The following CNTNAP5 variants were observed in gnomAD, a reference collection of about 807,000 sequenced individuals.
The protein encoded by CNTNAP5 is contactin associated protein family member 5, also known as contactin-associated protein-like 5.
CNTNAP5 carries 72 observed loss-of-function variants against 150.2 expected under a neutral mutation model. That is an observed-to-expected ratio of 0.48 (90% CI 0.40 to 0.58). The LOEUF (loss-of-function observed/expected upper bound fraction) is 0.58. Ranked by LOEUF, CNTNAP5 falls within the 20% of genes least tolerant of loss-of-function variation. The pLI, the probability that CNTNAP5 is intolerant of heterozygous loss-of-function variation, is 0.00. For synonymous variants in CNTNAP5, 672 were observed against 619.8 expected, an observed-to-expected ratio of 1.08 and a Z score of -1.25; for missense variants, 1,636 against 1,626.2, an observed-to-expected ratio of 1.01 and a Z score of -0.10.
At chr2:124,253,284 ATAT>A (rs1473143348) in intron 3 of CNTNAP5, among the ~76,000 whole-genome samples, 2 of 152,064 alleles carry the variant, frequency 1.3e-5, no homozygotes, top group African/African-American at 4.8e-5. Context: ...GAATTACCGT[ATAT>A]ACTTTTGTAT....
In CNTNAP5 at chr2:124,383,295, G is replaced by T. The variant is rs369034097; in HGVS notation, c.382-34148G>T. ...CATCACCGTCTTGGAGCAAACATTA[G>T]TATTAGACTTGCAGACGGGAAAACC... is the stretch of plus-strand genomic sequence containing the variant. On this transcript the variant is annotated intron_variant, in intron 3 of 23. Coordinates refer to ENST00000682447, the MANE Select transcript of CNTNAP5 (RefSeq NM_001367498.1). Among the ~76,000 whole-genome samples, 17 of 152,308 alleles carry T rather than the reference G, an allele frequency of 1.1e-4. No individual in the cohort carries two copies. The South Asian group carries it at 3.1e-3, about 28-fold the overall frequency.
At chr2:124,572,669 C>T (rs1243981301) in intron 11 of CNTNAP5, among the ~76,000 whole-genome samples, 6 of 152,134 alleles carry the variant, frequency 3.9e-5, no homozygotes, top group African/African-American at 1.4e-4. Context: ...ATTTGTTGAG[C>T]CCTATGTAAG....
At chr2:124,161,469 A>G (rs1684676813) in intron 1 of CNTNAP5, among the ~76,000 whole-genome samples, 2 of 152,220 alleles carry the variant, frequency 1.3e-5, no homozygotes, top group South Asian at 4.1e-4. Flanking sequence ...AAGCACTAAC[A>G]GGAACCACAT....
chr2:124,773,933 TGTGTGTGTGTGTGTGA>T (rs1294739281), intron 17 of CNTNAP5, among the ~76,000 whole-genome samples: 11 of 147,372 alleles, frequency 7.5e-5, no homozygotes, highest in African/African-American at 2.9e-4. Flanking sequence ...TGTGTGTGTG[TGTGTGTGTGTGTGTGA>T]GAGAGAGAGA....
chr2:124,693,855 C>A (rs6759365), intron 13 of CNTNAP5, among the ~76,000 whole-genome samples: 31,192 of 125,896 alleles, frequency 0.25, 4,751 homozygotes, highest in East Asian at 0.78. Flanking sequence ...AAAAAAAAAA[C>A]CAACCAACCA....
chr2:124,824,813 C>A (rs772877250), intron 19 of CNTNAP5, among the ~76,000 whole-genome samples: 1 of 152,180 alleles, frequency 6.6e-6, no homozygotes. Flanking sequence ...AGGACTAATT[C>A]CTACAGGACT....
At position 124,778,853 on chromosome 2, in the gene CNTNAP5, A is replaced by C. The variant is rs1471266360; in HGVS notation, c.2752+5836A>C. Among the ~76,000 whole-genome samples, 9 of 152,300 alleles carry C rather than the reference A, an allele frequency of 5.9e-5. No individual in the cohort carries two copies. The East Asian group carries it at 1.7e-3, about 29-fold the overall frequency. ...ATAGAGACAAGTTAAAAAGAAAAAAAAAAAAGAGTTTCTTCTGAACCTGGA... is the reference window on the plus strand; with the variant it reads ...ATAGAGACAAGTTAAAAAGAAAAAACAAAAAGAGTTTCTTCTGAACCTGGA... On this transcript the variant is annotated intron_variant, in intron 17 of 23. Coordinates refer to ENST00000682447, the MANE Select transcript of CNTNAP5 (RefSeq NM_001367498.1).
At chr2:124,454,643 A>T (rs1360910108) in intron 6 of CNTNAP5, among the ~76,000 whole-genome samples, 3 of 152,178 alleles carry the variant, frequency 2.0e-5, no homozygotes, top group Non-Finnish European at 4.4e-5. Flanking sequence ...ATGGTAGGCC[A>T]CAAAATGAAC....
At chr2:124,852,164 G>T (rs978774219) in intron 19 of CNTNAP5, among the ~76,000 whole-genome samples, 1 of 152,142 alleles carries the variant, frequency 6.6e-6, no homozygotes, top group African/African-American at 2.4e-5. Context: ...AATTACGGAG[G>T]GTTTGCAATT....
intron 1 of CNTNAP5, among the ~76,000 whole-genome samples, chr2:124,099,403 T>C (rs557989393): frequency 6.6e-6 from 1 of 152,284 alleles, no homozygotes; most frequent in South Asian, 2.1e-4. Context: ...TCACCAAGTA[T>C]TGAAATTCTG....
At chr2:124,860,343 C>T (rs1421338900) in intron 19 of CNTNAP5, among the ~76,000 whole-genome samples, 2 of 151,552 alleles carry the variant, frequency 1.3e-5, no homozygotes, top group African/African-American at 4.8e-5. Flanking sequence ...GAGCGAGATT[C>T]TGTCTCAAAA....
chr2:124,195,661 A>G (rs1180875580), intron 1 of CNTNAP5, among the ~76,000 whole-genome samples: 1 of 152,216 alleles, frequency 6.6e-6, no homozygotes, highest in Non-Finnish European at 1.5e-5. Flanking sequence ...AAGATTAAAC[A>G]TAAAATACAC....
At chr2:124,057,537 G>A (rs900935980) in intron 1 of CNTNAP5, among the ~76,000 whole-genome samples, 4 of 141,992 alleles carry the variant, frequency 2.8e-5, no homozygotes, top group African/African-American at 5.3e-5. Flanking sequence ...TGATCCGCCC[G>A]CCTTGGACTC....
intron 3 of CNTNAP5, among the ~76,000 whole-genome samples, chr2:124,357,430 A>G (rs1180450830): frequency 6.6e-6 from 1 of 151,854 alleles, no homozygotes; most frequent in Non-Finnish European, 1.5e-5. Context: ...TAGGGTTTTT[A>G]TGGTTTTAGG....
chr2:124,652,788 G>T (rs1678350812), intron 13 of CNTNAP5, among the ~76,000 whole-genome samples: 1 of 152,176 alleles, frequency 6.6e-6, no homozygotes, highest in African/African-American at 2.4e-5. Flanking sequence ...TCATTAGGGT[G>T]TCAGTATCCG....
chr2:124,069,523 C>G (rs1682247974), intron 1 of CNTNAP5, among the ~76,000 whole-genome samples: 1 of 152,062 alleles, frequency 6.6e-6, no homozygotes, highest in South Asian at 2.1e-4. Context: ...GTGATTACAG[C>G]AGGACTCAAG....
intron 7 of CNTNAP5, among the ~76,000 whole-genome samples, chr2:124,477,656 ATTT>A (rs34441550): frequency 4.2e-4 from 54 of 127,418 alleles, no homozygotes; most frequent in Admixed American, 5.5e-4. Context: ...TGCTCATGAC[ATTT>A]TTTTTTTTTT....
In CNTNAP5 at chr2:124,642,880, A is replaced by G. The variant is rs530113435; in HGVS notation, c.1877-4878A>G. ...GAAGAAATGAACTTGAAAGCTCAAA[A>G]TCACAATGCAACTTGGGAAATACTT... On this transcript the variant is annotated intron_variant, in intron 12 of 23. Coordinates refer to ENST00000682447, the MANE Select transcript of CNTNAP5 (RefSeq NM_001367498.1). Among the ~76,000 whole-genome samples the G allele has an allele frequency of 4.6e-5, 7 of 152,342 alleles. No individual in the cohort carries two copies. The East Asian group carries it at 1.4e-3, about 29-fold the overall frequency.
At chr2:124,186,890 A>C (rs1048806703) in intron 1 of CNTNAP5, among the ~76,000 whole-genome samples, 32 of 152,340 alleles carry the variant, frequency 2.1e-4, no homozygotes, top group African/African-American at 7.5e-4. Flanking sequence ...AATGCAGTGC[A>C]AACTCAGTGT....
Sources: allele counts gnomAD v4.1 joint callset (sites outside exome capture counted in the v4.1 genomes callset), GRCh38; gene constraint gnomAD v4.1.1; transcripts MANE v1.5; gene names NCBI Gene and HGNC (gene_info 2026-07-23, HGNC 2026-07-21).